GATA4: variants seen among roughly 807,000 people sequenced by gnomAD.
The protein encoded by GATA4 is GATA binding protein 4, also known as transcription factor GATA-4.
A neutral mutation model predicts 37.9 loss-of-function variants in GATA4; 7 were observed. That is an observed-to-expected ratio of 0.18 (90% CI 0.11 to 0.35). GATA4 has a LOEUF of 0.35. GATA4 is among the 10% of genes least tolerant of loss of function. GATA4 has a pLI of 1.00. For missense variants in GATA4, 647 were observed against 653.0 expected (o/e 0.99, Z 0.10); for synonymous variants, 372 against 292.6 (o/e 1.27, Z -2.77).
intron 2 of GATA4, among the ~76,000 whole-genome samples, chr8:11,733,575 C>G (rs915896495): frequency 6.6e-6 from 1 of 152,232 alleles, no homozygotes; most frequent in African/African-American, 2.4e-5. Context: ...TACAGCTAAA[C>G]AGCTGTGAGA....
Position 11,708,642 on chromosome 8 carries a change from C to T in GATA4, c.330C>T (p.Phe110=), listed in dbSNP as rs779273192. ...TPPPVSPRFS[F]PGTTGSLAAA... ...CGCCGGTGTCGCCGCGCTTCTCCTT[C>T]CCGGGGACCACCGGGTCCCTGGCGG... The change falls in exon 2 of 7, where the codon TTC becomes TTT. Residue 110 remains phenylalanine, a synonymous_variant. Transcript: ENST00000532059. This position sits in a 1 kb window ranked among gnomAD's most constrained non-coding sequence, Gnocchi z 6.7. 18 of 1,331,466 alleles carry T rather than the reference C, an allele frequency of 1.4e-5. No homozygotes were observed. The African/African-American group carries it at 2.3e-4, about 17-fold the overall frequency. 82.5% of individuals were successfully genotyped at this position (1,331,466 alleles called of 1,614,324 possible). A position where few individuals can be genotyped will look rare whatever the true frequency, so the allele number is the denominator to read the frequency against.
At chr8:11,719,197 G>C (rs2130132801) in intron 2 of GATA4, among the ~76,000 whole-genome samples, 1 of 151,884 alleles carries the variant, frequency 6.6e-6, no homozygotes, top group Admixed American at 6.6e-5. Flanking sequence ...TATTAGGTGG[G>C]GGAGTCCTTT....
chr8:11,745,577 C>G (rs181434475), intron 2 of GATA4, among the ~76,000 whole-genome samples: 1 of 152,028 alleles, frequency 6.6e-6, no homozygotes, highest in Admixed American at 6.6e-5. Flanking sequence ...CAGAGTGAGA[C>G]CCTGTCTCAC....
In GATA4 at chr8:11,748,896, G is replaced by A. The variant is rs775593005; in HGVS notation, c.617-20G>A. The stretch of plus-strand genomic sequence containing the variant: ...GAATTAATCCTCTGTGTCTTTTCTT[G>A]TCTGTTCCCCCCAACTCAGTAGATA... On this transcript the variant is annotated intron_variant, in intron 2 of 6. Transcript: ENST00000532059. The A allele has an allele frequency of 1.9e-6, 3 of 1,614,100 alleles. No individual in the cohort carries two copies. Among genetic ancestry groups the A allele is most frequent in the Non-Finnish European group, 2.5e-6 (3 of 1,179,892 alleles).
intron 2 of GATA4, among the ~76,000 whole-genome samples, chr8:11,736,404 C>G (rs1457513241): frequency 6.6e-6 from 1 of 152,228 alleles, no homozygotes; most frequent in African/African-American, 2.4e-5. Context: ...TGACTGTTGG[C>G]TAAGGCGTCC....
At chr8:11,688,536 A>T (rs1276951483), upstream of GATA4, among the ~76,000 whole-genome samples, 9 of 151,852 alleles carry the variant, frequency 5.9e-5, no homozygotes, top group East Asian at 1.9e-4. Flanking sequence ...ACACACACAC[A>T]CACACACACA....
chr8:11,758,183 C>A, intron 6 of GATA4, 110 bp from the exon 7 acceptor site: 1 of 1,063,196 alleles, frequency 9.4e-7, no homozygotes, highest in Non-Finnish European at 1.5e-6. Flanking sequence ...TTCCTGAGGG[C>A]TGAAGCCATC....
At chr8:11,697,909 G>A (rs903287128) in intron 1 of GATA4, 19 of 985,372 alleles carry the variant, frequency 1.9e-5, no homozygotes, top group African/African-American at 3.5e-5. Flanking sequence ...ATCTCTGGGG[G>A]ACCCACCAGT....
chr8:11,731,628 C>T (rs1042714302), intron 2 of GATA4, among the ~76,000 whole-genome samples: 5 of 152,184 alleles, frequency 3.3e-5, no homozygotes, highest in Admixed American at 6.5e-5. Flanking sequence ...TGCAGAGTTT[C>T]AGTTTTGCAC....
At chr8:11,735,508 C>T (rs993140960) in intron 2 of GATA4, among the ~76,000 whole-genome samples, 1 of 152,138 alleles carries the variant, frequency 6.6e-6, no homozygotes, top group Non-Finnish European at 1.5e-5. Flanking sequence ...CACCTCTGCC[C>T]CTGGAGATGG....
At chr8:11,699,152 G>A (rs553990457), upstream of GATA4, among the ~76,000 whole-genome samples, 2 of 152,288 alleles carry the variant, frequency 1.3e-5, no homozygotes, top group Admixed American at 6.5e-5. Flanking sequence ...ATACCTTTTG[G>A]GGGTGTAGAA....
At chr8:11,679,443 G>A (rs1281818618) in intron 1 of GATA4, among the ~76,000 whole-genome samples, 1 of 152,214 alleles carries the variant, frequency 6.6e-6, no homozygotes, top group Non-Finnish European at 1.5e-5. Context: ...CCGATCTAAG[G>A]TCAATAAACC....
intron 2 of GATA4, among the ~76,000 whole-genome samples, chr8:11,736,655 C>G (rs1412432507): frequency 6.6e-6 from 1 of 152,202 alleles, no homozygotes; most frequent in African/African-American, 2.4e-5. Flanking sequence ...ACCCTTTCAC[C>G]CAGTCAATTG....
intron 2 of GATA4, among the ~76,000 whole-genome samples, chr8:11,731,226 T>C (rs988363845): frequency 8.5e-5 from 13 of 152,248 alleles, no homozygotes; most frequent in Non-Finnish European, 1.5e-4. Flanking sequence ...CACATTTGAT[T>C]GATGTATTTT....
At chr8:11,683,396 AG>A (rs1799040154) in intron 1 of GATA4, among the ~76,000 whole-genome samples, 1 of 152,134 alleles carries the variant, frequency 6.6e-6, no homozygotes, top group Admixed American at 6.5e-5. Context: ...TGTGACTGTT[AG>A]GAAGTAGCAG....
intron 1 of GATA4, chr8:11,692,763 G>C (rs1799359297): frequency 1.0e-6 from 1 of 983,228 alleles, no homozygotes; most frequent in Admixed American, 6.2e-5. Context: ...GACGGACGGG[G>C]GGCGGGAAGC....
chr8:11,740,548 A>C (rs574297189), intron 2 of GATA4, among the ~76,000 whole-genome samples: 4 of 152,314 alleles, frequency 2.6e-5, no homozygotes, highest in Admixed American at 2.0e-4. Context: ...GACTGATCGT[A>C]GCTTCCCACA....
chr8:11,680,116 A>G lies in GATA4; in HGVS notation c.-274+3053A>G, dbSNP rs537165537. Reference sequence around the variant, plus strand: ...CTTCCCAAGAGAGATTCCCACCCAGAGCGCGCAGCCCGCGGGGAAAACATA... The same window carrying G: ...CTTCCCAAGAGAGATTCCCACCCAGGGCGCGCAGCCCGCGGGGAAAACATA... On this transcript the variant is annotated intron_variant, in intron 1 of 6. Coordinates refer to the GATA4 transcript ENST00000528712. 3.7e-4 allele frequency among the ~76,000 whole-genome samples: 56 copies of G among 152,158 alleles called. 1 individual carries two copies. Among genetic ancestry groups the G allele is most frequent in the South Asian group, 1.7e-3 (8 of 4,814 alleles).
chr8:11,709,905 G>C lies in GATA4; in HGVS notation c.616+977G>C, dbSNP rs149348524. Among the ~76,000 whole-genome samples, 1,649 of 152,298 alleles carry C rather than the reference G, an allele frequency of 0.011. 18 individuals carry two copies. The highest frequency in any genetic ancestry group is 0.037 in the African/African-American group (1,549 of 41,558). ...TAGTTCAAAATGCAAACGACCTCTGGAATTTCGGGAAGAGACGGAGGAGTG... is the reference window on the plus strand; with the variant it reads ...TAGTTCAAAATGCAAACGACCTCTGCAATTTCGGGAAGAGACGGAGGAGTG... On this transcript the variant is annotated intron_variant, in intron 2 of 6. Transcript: ENST00000532059. This position sits in a 1 kb window ranked among gnomAD's most constrained non-coding sequence, Gnocchi z 4.3.
Sources: gnomAD v4.1 joint callset for allele counts (sites outside exome capture counted in the v4.1 genomes callset) on GRCh38, gnomAD v4.1.1 for gene constraint, Gnocchi (gnomAD v3.1) non-coding constraint, MANE v1.5 for transcripts, NCBI Gene and HGNC (gene_info 2026-07-23, HGNC 2026-07-21) for gene names.